The following FBXO43 variants were observed in gnomAD, a reference collection of about 807,000 sequenced individuals.
The protein encoded by FBXO43 is F-box only protein 43.
A neutral mutation model predicts 56.7 loss-of-function variants in FBXO43; 22 were observed. That is an observed-to-expected ratio of 0.39 (90% CI 0.28 to 0.55). The LOEUF (loss-of-function observed/expected upper bound fraction) is 0.55. FBXO43 is among the 20% of genes least tolerant of loss of function. The pLI is 0.66. For synonymous variants in FBXO43, 306 were observed against 294.5 expected (o/e 1.04, Z -0.40); for missense variants, 733 against 814.9 (o/e 0.90, Z 1.22).
rs960346857 is a variant in FBXO43 at position 100,141,714 on chromosome 8, T to C, written c.540A>G (p.Ile180Met). Residue 180 changes from isoleucine to methionine, a missense_variant, in exon 2 of 5, where the codon ATA becomes ATG. Transcript: ENST00000428847. ...ESQNSSLESS[I>M]SQVINLEKNI... ...TTTTTTCTAAGTTGATAACTTGGCT[T>C]ATACTACTTTCTAAAGAACTATTTT... The C allele has an allele frequency of 6.2e-7, 1 of 1,606,546 alleles. No homozygotes were observed. Among genetic ancestry groups the C allele is most frequent in the Non-Finnish European group, 8.5e-7 (1 of 1,175,302 alleles).
rs759048586 is a variant in FBXO43 at position 100,137,646 on chromosome 8, A to T, written c.1593T>A (p.Asn531Lys). ...TATCTTGAACAACAATTTCACGCCA[A>T]TTTCTGCTTACTTTCCAAACACTAT... ...SLCSVWKVSRNWREIVVQDKN... is the reference protein window; with the variant it reads ...SLCSVWKVSRKWREIVVQDKN... Residue 531 changes from asparagine (N) to lysine (K), a missense_variant, in exon 3 of 5, where the codon AAT becomes AAA. Coordinates refer to ENST00000428847, the MANE Select transcript of FBXO43 (RefSeq NM_001029860.4). 1.0e-4 allele frequency: 166 copies of T among 1,612,848 alleles called. 1 individual carries two copies. In the South Asian group the frequency reaches 1.1e-3, roughly 10 times the overall value.
intron 1 of FBXO43, among the ~76,000 whole-genome samples, chr8:100,144,016 C>T (rs1399517437): frequency 1.3e-5 from 2 of 152,192 alleles, no homozygotes; most frequent in African/African-American, 4.8e-5. Flanking sequence ...AGGTGATCCA[C>T]CCAACCTTGG....
rs759131380 is a variant in FBXO43, at chr8:100,140,995, C to T, written c.1259G>A (p.Gly420Asp). The T allele has an allele frequency of 6.2e-7, 1 of 1,614,244 alleles. No homozygotes were observed. The highest frequency in any genetic ancestry group is 2.2e-5 in the East Asian group (1 of 44,888). ...RAAAASAISE[G>D]QLSSDESGDL... ...CCCACTCTCATCACTACTCAGCTGA[C>T]CCTCTGAGATGGCAGAAGCAGCTGC... The change falls in exon 2 of 5, where the codon GGT (glycine) becomes GAT (aspartate). Residue 420 changes from glycine (G) to aspartate (D), a missense_variant. By Grantham distance (94) the Gly-to-Asp change is moderately conservative (BLOSUM62 -1). Transcript: ENST00000428847.
At chr8:100,143,916 C>A (rs1048342949) in intron 1 of FBXO43, among the ~76,000 whole-genome samples, 1 of 152,172 alleles carries the variant, frequency 6.6e-6, no homozygotes, top group African/African-American at 2.4e-5. Flanking sequence ...GGATTACAGG[C>A]GCCCACGACC....
At chr8:100,144,703 G>A (rs1814766771) in intron 1 of FBXO43, among the ~76,000 whole-genome samples, 1 of 151,272 alleles carries the variant, frequency 6.6e-6, no homozygotes, top group African/African-American at 2.4e-5. Context: ...AGGCCGGGGC[G>A]GGCGGATCAC....
chr8:100,145,325 C>A lies in FBXO43; in HGVS notation c.-190G>T. 2.2e-6 allele frequency: 1 copy of A among 451,244 alleles called. No homozygotes were observed. Among genetic ancestry groups the A allele is most frequent in the Non-Finnish European group, 3.9e-6 (1 of 256,514 alleles). The allele number at this position is 451,244 out of a possible 1,614,324, so 28.0% of individuals were successfully genotyped here. A position where few individuals can be genotyped will look rare whatever the true frequency, so the allele number is the denominator to read the frequency against. On this transcript the variant is annotated 5_prime_UTR_variant, in exon 1 of 5. Coordinates refer to ENST00000428847, the MANE Select transcript of FBXO43 (RefSeq NM_001029860.4). The stretch of plus-strand genomic sequence containing the variant: ...CTCCAGAAAATAGTTATCTTAATAT[C>A]CTTGTTTTCTCCAGCTGGACTTAGA...
At chr8:100,137,131 A>ACACT (rs1814493690) in intron 3 of FBXO43, 1 of 153,946 alleles carries the variant, frequency 6.5e-6, no homozygotes, top group African/African-American at 2.4e-5. Flanking sequence ...ATTTCGGCTC[A>ACACT]CACTGCAAGC....
At chr8:100,149,613 C>T (rs966100311), upstream of FBXO43, among the ~76,000 whole-genome samples, 18 of 152,162 alleles carry the variant, frequency 1.2e-4, no homozygotes, top group Non-Finnish European at 2.9e-5. Flanking sequence ...GAAAGATCAA[C>T]TTAAATCTCT....
At position 100,145,083 on chromosome 8, in the gene FBXO43, GTT is replaced by G; in HGVS notation, c.51_52del (p.Thr18PhefsTer4). 2 of 1,612,182 alleles carry G rather than the reference GTT, an allele frequency of 1.2e-6. No individual in the cohort carries two copies. The highest frequency in any genetic ancestry group is 1.7e-6 in the Non-Finnish European group (2 of 1,178,624). On this transcript the variant is annotated frameshift_variant, in exon 1 of 5. Transcript: ENST00000428847. LOFTEE classifies it high-confidence loss of function. ...AAATCTTGAGCTCTTAGATGTCAAA[GTT>G]ACGTAGGCTTCCAAACAAGAAATTC...
Position 100,141,972 on chromosome 8 carries a change from A to T in FBXO43, c.282T>A (p.Leu94=), listed in dbSNP as rs1814672071. 2 of 1,607,936 alleles carry T rather than the reference A, an allele frequency of 1.2e-6. No individual in the cohort carries two copies. Among genetic ancestry groups the T allele is most frequent in the East Asian group, 2.2e-5 (1 of 44,824 alleles). ...CSFDNIDKEY[L]GKKEKGPTLL... is the part of the protein sequence containing the mutation. ...ATGTTGGGCCTTTTTCTTTCTTTCC[A>T]AGATATTCTTTATCTATATTATCAA... Residue 94 remains leucine (L), a synonymous_variant, in exon 2 of 5, where the codon CTT becomes CTA. Transcript: ENST00000428847.
intron 2 of FBXO43, among the ~76,000 whole-genome samples, chr8:100,138,359 T>C (rs1000444093): frequency 2.0e-5 from 3 of 152,198 alleles, no homozygotes; most frequent in African/African-American, 7.2e-5. Flanking sequence ...AGTCACTTCT[T>C]ACGGAGGGTC....
Position 100,136,356 on chromosome 8 carries a change from A to C in FBXO43, c.1674+1209T>G, listed in dbSNP as rs567114074. 2.0e-5 allele frequency among the ~76,000 whole-genome samples: 3 copies of C among 152,352 alleles called. No homozygotes were observed. The South Asian group carries it at 6.2e-4, about 32-fold the overall frequency. Reference sequence around the variant, plus strand: ...ATGCTTTATTCCAATTATTATATTTAGTCAAATTAGAAATTTACTTATAGT... The same window carrying C: ...ATGCTTTATTCCAATTATTATATTTCGTCAAATTAGAAATTTACTTATAGT... On this transcript the variant is annotated intron_variant, in intron 3 of 4. Coordinates refer to ENST00000428847, the MANE Select transcript of FBXO43 (RefSeq NM_001029860.4).
chr8:100,134,174 T>A lies in FBXO43; in HGVS notation c.1865A>T (p.Glu622Val). The A allele has an allele frequency of 1.2e-6, 2 of 1,613,610 alleles. No individual in the cohort carries two copies. Among genetic ancestry groups the A allele is most frequent in the South Asian group, 2.2e-5 (2 of 91,002 alleles). Residue 622 changes from glutamate (E) to valine (V), a missense_variant, in exon 4 of 5, where the codon GAA becomes GTA. Coordinates refer to ENST00000428847, the MANE Select transcript of FBXO43 (RefSeq NM_001029860.4). ...ATAAATACTTACCTTAACATATTCTTCCTGTTTACTACTTAAGTGAGTAAC... is the reference window on the plus strand; with the variant it reads ...ATAAATACTTACCTTAACATATTCTACCTGTTTACTACTTAAGTGAGTAAC... ...SSVTHLSSKQ[E>V]EYVKVAKTLF...
chr8:100,137,749 A>C, intron 2 of FBXO43, 82 bp from the exon 3 acceptor site: 1 of 1,024,752 alleles, frequency 9.8e-7, no homozygotes, highest in Non-Finnish European at 1.4e-6. Flanking sequence ...AATGAGAAAA[A>C]TTTGTTTTAA....
intron 1 of FBXO43, 53 bp from the exon 2 acceptor site, chr8:100,142,221 T>C (rs1000042195): frequency 2.8e-6 from 4 of 1,441,392 alleles, no homozygotes; most frequent in Admixed American, 5.1e-5. Context: ...TCCAGGCAGC[T>C]TATACCAAAA....
At position 100,134,064 on chromosome 8, in the gene FBXO43, A is replaced by G; in HGVS notation, c.1879-14T>C. ...TGTTTTGGCAACCTGCAGTGAAAGC[A>G]CACACACTAAATCTTCTGGTTTCAT... is the stretch of plus-strand genomic sequence containing the variant. On this transcript the variant is annotated splice_polypyrimidine_tract_variant and intron_variant, in intron 4 of 4. Coordinates refer to ENST00000428847, the MANE Select transcript of FBXO43 (RefSeq NM_001029860.4). The G allele has an allele frequency of 6.2e-7, 1 of 1,612,646 alleles. No individual in the cohort carries two copies. The highest frequency in any genetic ancestry group is 8.5e-7 in the Non-Finnish European group (1 of 1,178,982).
At chr8:100,142,271 G>T in intron 1 of FBXO43, 103 bp from the exon 2 acceptor site, 1 of 1,099,730 alleles carries the variant, frequency 9.1e-7, no homozygotes, top group Non-Finnish European at 1.2e-6. Flanking sequence ...ATGGAAAATT[G>T]TATGACAATT....
chr8:100,138,004 G>T (rs1313285061), intron 2 of FBXO43, among the ~76,000 whole-genome samples: 2 of 152,126 alleles, frequency 1.3e-5, no homozygotes, highest in African/African-American at 4.8e-5. Context: ...GGAAATGATT[G>T]TCATCTATAA....
At chr8:100,136,149 T>C (rs1431153609) in intron 3 of FBXO43, among the ~76,000 whole-genome samples, 1 of 152,206 alleles carries the variant, frequency 6.6e-6, no homozygotes, top group Non-Finnish European at 1.5e-5. Context: ...ATATCTTCCT[T>C]ATTACAAACT....
Sources: gnomAD v4.1 joint callset for allele counts (sites outside exome capture counted in the v4.1 genomes callset) on GRCh38, gnomAD v4.1.1 for gene constraint, MANE v1.5 for transcripts, NCBI Gene and HGNC (gene_info 2026-07-23, HGNC 2026-07-21) for gene names.